Variants in EMSY observed in about 807,000 individuals in gnomAD.
The protein encoded by EMSY is EMSY transcriptional repressor, BRCA2 interacting, also known as BRCA2-interacting transcriptional repressor EMSY.
EMSY carries 26 observed loss-of-function variants against 134.6 expected under a neutral mutation model. The observed-to-expected ratio is 0.19, with a 90% CI of 0.14 to 0.27. The LOEUF is 0.27. Ranked by LOEUF, EMSY falls within the 10% of genes least tolerant of loss-of-function variation. EMSY has a pLI of 1.00. For missense variants in EMSY, 1,305 were observed against 1,611.4 expected (o/e 0.81, Z 3.26); for synonymous variants, 579 against 577.8 (o/e 1.00, Z -0.03).
chr11:76,539,765 A>G, intron 17 of EMSY, 125 bp downstream of exon 18: 1 of 897,108 alleles, frequency 1.1e-6, no homozygotes, highest in Non-Finnish European at 1.8e-6. Flanking sequence ...ACTTAGTGAA[A>G]GGAAGAGAGA....
exon 3 of EMSY, chr11:76,451,949 A>T (rs1369132178): frequency 6.4e-7 from 1 of 1,570,642 alleles, no homozygotes; most frequent in East Asian, 2.3e-5. Context: ...AACTATCAAA[A>T]GTTCTTAGGT....
intron 11 of EMSY, 95 bp from the exon 13 acceptor site, chr11:76,523,060 T>G: frequency 8.1e-7 from 1 of 1,229,320 alleles, no homozygotes; most frequent in African/African-American, 1.5e-5. Context: ...AGGAATGACA[T>G]TTACTATATG....
intron 6 of EMSY, chr11:76,461,044 G>A (rs1015263781): frequency 6.6e-6 from 1 of 152,334 alleles, no homozygotes. Flanking sequence ...GATTCTGCTG[G>A]TTGGAAAGTC....
At chr11:76,450,459 C>T (rs1045710571) in intron 2 of EMSY, among the ~76,000 whole-genome samples, 1 of 151,622 alleles carries the variant, frequency 6.6e-6, no homozygotes, top group African/African-American at 2.4e-5. Context: ...GATGTTTAAA[C>T]TTAGGGTCAT....
rs143441075 is a variant in EMSY, at chr11:76,477,592, T to A, written c.1108+4752T>A. Among the ~76,000 whole-genome samples, 350 of 152,240 alleles carry A rather than the reference T, an allele frequency of 2.3e-3. 1 individual carries two copies. Among genetic ancestry groups the A allele is most frequent in the African/African-American group, 8.0e-3 (334 of 41,578 alleles). On this transcript the variant is annotated intron_variant, in intron 8 of 20. Coordinates refer to ENST00000334736, the Ensembl canonical transcript of EMSY. The stretch of plus-strand genomic sequence containing the variant: ...CACTTTAATGTTTGGAAGGAGTAAT[T>A]TTTAATTTGGTGGTTATAAGTCTGG...
At chr11:76,463,346 G>A (rs999565243) in intron 6 of EMSY, among the ~76,000 whole-genome samples, 1 of 145,638 alleles carries the variant, frequency 6.9e-6, no homozygotes, top group East Asian at 2.1e-4. Flanking sequence ...GAAGGCAGCC[G>A]GGCGCGGTGG....
intron 8 of EMSY, among the ~76,000 whole-genome samples, chr11:76,493,869 A>G (rs777255200): frequency 2.0e-5 from 3 of 152,138 alleles, no homozygotes; most frequent in Non-Finnish European, 4.4e-5. Context: ...GGGCTGAAAC[A>G]TGTTCCCCTG....
At chr11:76,486,290 T>C (rs1189935576) in intron 8 of EMSY, among the ~76,000 whole-genome samples, 1 of 151,944 alleles carries the variant, frequency 6.6e-6, no homozygotes, top group Non-Finnish European at 1.5e-5. Flanking sequence ...TTAGGAGAAA[T>C]AACTAAGGTA....
chr11:76,481,126 C>T (rs1948961794), intron 8 of EMSY, among the ~76,000 whole-genome samples: 4 of 152,198 alleles, frequency 2.6e-5, no homozygotes, highest in Admixed American at 2.6e-4. Context: ...TCACTGCAAG[C>T]TCTGCCTCCC....
At chr11:76,482,949 G>A (rs547909078) in intron 8 of EMSY, among the ~76,000 whole-genome samples, 32 of 152,248 alleles carry the variant, frequency 2.1e-4, no homozygotes, top group African/African-American at 6.3e-4. Flanking sequence ...ACACATAATC[G>A]TCAGATTCAC....
chr11:76,551,222 ACTGT>A (rs1032445080), exon 21 of EMSY: 3 of 152,446 alleles, frequency 2.0e-5, no homozygotes, highest in African/African-American at 4.8e-5. Context: ...TCTTGTGATC[ACTGT>A]CTGTCACAAG....
intron 11 of EMSY, among the ~76,000 whole-genome samples, chr11:76,519,030 T>C (rs1298933455): frequency 6.6e-6 from 1 of 151,732 alleles, no homozygotes; most frequent in African/African-American, 2.4e-5. Context: ...AGTAATTAAA[T>C]GGAAGCCATG....
In EMSY at chr11:76,544,273, C is replaced by T. The variant is rs146751469; in HGVS notation, c.2724C>T (p.His908=). 3 of 1,611,884 alleles carry T rather than the reference C, an allele frequency of 1.9e-6. No homozygotes were observed. The East Asian group carries it at 6.7e-5, about 36-fold the overall frequency. The change falls in exon 19 of 21, where the codon CAC becomes CAT. Residue 908 remains histidine, a synonymous_variant. Coordinates refer to ENST00000334736, the Ensembl canonical transcript of EMSY. ...TTTTTACTTAGGCATTAAGCAGTCA[C>T]ACTGCTTTTACCAAACACAGCGAGG...
In EMSY at chr11:76,494,861, G is replaced by A. The variant is rs567024131; in HGVS notation, c.1109-1354G>A. 4.6e-5 allele frequency among the ~76,000 whole-genome samples: 7 copies of A among 152,032 alleles called. No individual in the cohort carries two copies. In the South Asian group the frequency reaches 1.0e-3, roughly 23 times the overall value. On this transcript the variant is annotated intron_variant, in intron 8 of 20. Transcript: ENST00000334736. ...AGAGATTCTCCTGCCTCACCTTCCC[G>A]AGTAGCTGGGATTACAGGTGCCTGC...
chr11:76,526,443 A>G lies in EMSY; in HGVS notation c.1822-19A>G. 1 of 1,581,658 alleles carries G rather than the reference A, an allele frequency of 6.3e-7. No individual in the cohort carries two copies. The highest frequency in any genetic ancestry group is 8.6e-7 in the Non-Finnish European group (1 of 1,164,994). On this transcript the variant is annotated intron_variant, in intron 12 of 20. Coordinates refer to ENST00000334736, the Ensembl canonical transcript of EMSY. ...TATATGCATATAAATCTCTTATATA[A>G]TCATTGACTTCAATTTAGGGAGAAA... is the stretch of plus-strand genomic sequence containing the variant.
intron 16 of EMSY, among the ~76,000 whole-genome samples, 169 bp downstream of exon 17, chr11:76,538,119 GA>G (rs200244644): frequency 4.6e-5 from 7 of 151,524 alleles, no homozygotes; most frequent in Admixed American, 1.3e-4. Context: ...TAATGACTAG[GA>G]AAAAAAATAG....
At chr11:76,547,045 A>G in intron 20 of EMSY, 1 of 454,812 alleles carries the variant, frequency 2.2e-6, no homozygotes, top group South Asian at 1.6e-5. Context: ...CTAAAGAATT[A>G]CTGAGTCCAG....
intron 8 of EMSY, among the ~76,000 whole-genome samples, chr11:76,493,064 C>G (rs1565312936): frequency 6.6e-6 from 1 of 152,046 alleles, no homozygotes; most frequent in Non-Finnish European, 1.5e-5. Context: ...CCAGGGAAGC[C>G]CCCCCTTCCC....
intron 18 of EMSY, among the ~76,000 whole-genome samples, chr11:76,543,959 C>G (rs931894636): frequency 6.6e-6 from 1 of 152,172 alleles, no homozygotes; most frequent in Non-Finnish European, 1.5e-5. Flanking sequence ...AGCCAGGGAG[C>G]CTTTCTCTTC....
Sources: allele counts gnomAD v4.1 joint callset (sites outside exome capture counted in the v4.1 genomes callset), GRCh38; gene constraint gnomAD v4.1.1; transcripts MANE v1.5; gene names NCBI Gene and HGNC (gene_info 2026-07-23, HGNC 2026-07-21).